The following NDE1 variants were observed in gnomAD, a reference collection of about 807,000 sequenced individuals.
NDE1 encodes nudE neurodevelopment protein 1, also known as nuclear distribution protein nudE homolog 1.
In NDE1, 28 loss-of-function variants were observed where a neutral mutation model predicts 43.4. The ratio of observed to expected loss-of-function variants is 0.65; its 90% CI spans 0.48 to 0.89. The LOEUF is 0.89. NDE1 is among the 40% of genes least tolerant of loss of function. The pLI is 0.00. For synonymous variants in NDE1, 184 were observed against 172.0 expected (o/e 1.07, Z -0.55); for missense variants, 441 against 434.1 (o/e 1.02, Z -0.14).
At position 15,677,902 on chromosome 16, in the gene NDE1, C is replaced by T. The variant is rs775006663; in HGVS notation, c.339C>T (p.Tyr113=). 3.1e-6 allele frequency: 5 copies of T among 1,613,948 alleles called. No individual in the cohort carries two copies. The highest frequency in any genetic ancestry group is 1.3e-5 in the African/African-American group (1 of 74,896). ...CCATTAAAGACCAATTGCAGAAATA[C>T]ATCAGAGAGCTGGAGCAAGCAAATG... ...TKAIKDQLQK[Y]IRELEQANDD... is the part of the protein sequence containing the mutation. The change falls in exon 4 of 9, where the codon TAC becomes TAT. Residue 113 remains tyrosine (Y), a synonymous_variant. Transcript: ENST00000396354.
At chr16:15,719,033 CAGG>C (rs1300076309) in intron 8 of NDE1, 1 of 652,458 alleles carries the variant, frequency 1.5e-6, no homozygotes, top group East Asian at 2.9e-5. Context: ...AAGGCTGAGG[CAGG>C]AGAATTGCTT....
chr16:15,708,864 G>A lies in NDE1; in HGVS notation c.947+12004G>A, dbSNP rs183887960. On this transcript the variant is annotated intron_variant, in intron 8 of 8. Coordinates refer to ENST00000396354, the MANE Select transcript of NDE1 (RefSeq NM_017668.3). ...CCTCTGAAACAGAGAGAGAATCCCC[G>A]GAGGTTACCATCAGCAAACAAGAAG... The A allele has an allele frequency of 1.1e-4, 172 of 1,607,386 alleles. No individual in the cohort carries two copies. In the East Asian group the frequency reaches 3.0e-3, roughly 28 times the overall value.
rs538924532 is a variant in NDE1 at position 15,705,545 on chromosome 16, C to T, written c.947+8685C>T. On this transcript the variant is annotated intron_variant, in intron 8 of 8. Coordinates refer to ENST00000396354, the MANE Select transcript of NDE1 (RefSeq NM_017668.3). ...AACAAATAATTATGTTGGGCTCTGG[C>T]CATCTGGCCCTGTTTGACCTGAATC... 7.0e-4 allele frequency among the ~76,000 whole-genome samples: 106 copies of T among 152,320 alleles called. 1 individual carries two copies. Among genetic ancestry groups the T allele is most frequent in the African/African-American group, 2.5e-3 (103 of 41,574 alleles).
At chr16:15,668,976 T>C (rs1191849702) in intron 3 of NDE1, among the ~76,000 whole-genome samples, 3 of 152,136 alleles carry the variant, frequency 2.0e-5, no homozygotes, top group Admixed American at 6.6e-5. Context: ...CTCGGCTCAC[T>C]GCAAGCTCCG....
intron 8 of NDE1, among the ~76,000 whole-genome samples, chr16:15,701,002 G>A (rs571236286): frequency 4.6e-5 from 7 of 152,192 alleles, no homozygotes; most frequent in South Asian, 2.1e-4. Flanking sequence ...TTGGAAGGCC[G>A]AGGCGGGTGG....
At chr16:15,655,206 CAG>C (rs1037032477) in intron 1 of NDE1, among the ~76,000 whole-genome samples, 6 of 152,090 alleles carry the variant, frequency 3.9e-5, no homozygotes, top group Admixed American at 1.3e-4. Context: ...CTAGTAGAGA[CAG>C]GGTTTCACCA....
chr16:15,719,045 T>C (rs1185639939), intron 8 of NDE1: 12 of 673,990 alleles, frequency 1.8e-5, no homozygotes, highest in Non-Finnish European at 2.9e-5. Context: ...GGAGAATTGC[T>C]TGAACCTGGG....
chr16:15,671,371 A>G (rs576468911), intron 3 of NDE1, among the ~76,000 whole-genome samples: 1 of 152,242 alleles, frequency 6.6e-6, no homozygotes, highest in South Asian at 2.1e-4. Flanking sequence ...TTCATTGGAC[A>G]TGGTAGTGCA....
chr16:15,676,632 C>T (rs533261180), intron 3 of NDE1, among the ~76,000 whole-genome samples: 1 of 152,064 alleles, frequency 6.6e-6, no homozygotes, highest in Non-Finnish European at 1.5e-5. Context: ...GTTCATGCTG[C>T]CCTCCCATTG....
chr16:15,711,191 G>C (rs2039772306), intron 8 of NDE1: 1 of 152,204 alleles, frequency 6.6e-6, no homozygotes, highest in Non-Finnish European at 1.5e-5. Context: ...GAGGGGTTTG[G>C]ACTTTTCCCT....
At position 15,669,142 on chromosome 16, in the gene NDE1, C is replaced by T. The variant is rs561705299; in HGVS notation, c.237+1703C>T. Among the ~76,000 whole-genome samples the T allele has an allele frequency of 1.8e-3, 270 of 151,144 alleles. 1 individual carries two copies. Among genetic ancestry groups the T allele is most frequent in the African/African-American group, 6.2e-3 (256 of 41,130 alleles). Reference sequence around the variant, plus strand: ...GTCTTGATCTCCTGACCTCAGGATCCGCCTGCCTCAGCCTCCCAAAGTGCT... The same window carrying T: ...GTCTTGATCTCCTGACCTCAGGATCTGCCTGCCTCAGCCTCCCAAAGTGCT... On this transcript the variant is annotated intron_variant, in intron 3 of 8. Coordinates refer to ENST00000396354, the MANE Select transcript of NDE1 (RefSeq NM_017668.3).
intron 1 of NDE1, among the ~76,000 whole-genome samples, chr16:15,650,501 C>T (rs1318337500): frequency 6.6e-6 from 1 of 152,266 alleles, no homozygotes; most frequent in South Asian, 2.1e-4. Flanking sequence ...TCCCTGGAGC[C>T]TCCCGTCCTA....
intron 8 of NDE1, chr16:15,720,402 C>T (rs1331483931): frequency 4.1e-5 from 61 of 1,501,748 alleles, no homozygotes; most frequent in Non-Finnish European, 5.5e-5. Flanking sequence ...ACCCCTTCCC[C>T]AGCACAGCCC....
intron 8 of NDE1, chr16:15,714,885 C>T (rs780582829): frequency 2.5e-6 from 4 of 1,612,382 alleles, no homozygotes; most frequent in Non-Finnish European, 3.4e-6. Context: ...GAGACGGGGT[C>T]CTCCCGGGCC....
At chr16:15,710,215 AGT>A (rs1402375755) in intron 8 of NDE1, among the ~76,000 whole-genome samples, 1 of 152,168 alleles carries the variant, frequency 6.6e-6, no homozygotes, top group Admixed American at 6.5e-5. Flanking sequence ...GGAGGTGTCC[AGT>A]GTGTGCTAAA....
intron 4 of NDE1, among the ~76,000 whole-genome samples, chr16:15,685,031 A>C (rs1162627052): frequency 6.6e-6 from 1 of 152,246 alleles, no homozygotes; most frequent in Non-Finnish European, 1.5e-5. Flanking sequence ...GTATTAAGAC[A>C]GTGTTAAATT....
At chr16:15,673,778 G>A (rs1225022585) in intron 3 of NDE1, among the ~76,000 whole-genome samples, 1 of 152,108 alleles carries the variant, frequency 6.6e-6, no homozygotes, top group Non-Finnish European at 1.5e-5. Context: ...TGCTGGGATT[G>A]CGGCATGAGG....
Position 15,710,503 on chromosome 16 carries a change from G to A in NDE1, c.947+13643G>A, listed in dbSNP as rs141702809. Among the ~76,000 whole-genome samples the A allele has an allele frequency of 9.6e-3, 1,467 of 152,134 alleles. 17 individuals carry two copies. Among genetic ancestry groups the A allele is most frequent in the South Asian group, 0.04 (191 of 4,818 alleles). On this transcript the variant is annotated intron_variant, in intron 8 of 8. Coordinates refer to ENST00000396354, the MANE Select transcript of NDE1 (RefSeq NM_017668.3). ...GCCACTGCACTCCAGCCTGGCAACAGAGCTAGACTCCGTCTAAAAATAAAT... is the reference window on the plus strand; with the variant it reads ...GCCACTGCACTCCAGCCTGGCAACAAAGCTAGACTCCGTCTAAAAATAAAT...
At chr16:15,718,287 G>T (rs1415554673) in intron 8 of NDE1, 4 of 1,606,770 alleles carry the variant, frequency 2.5e-6, no homozygotes. Context: ...AGTAGGCAGC[G>T]TGACTGTGGT....
Sources: gnomAD v4.1 joint callset for allele counts (sites outside exome capture counted in the v4.1 genomes callset) on GRCh38, gnomAD v4.1.1 for gene constraint, MANE v1.5 for transcripts, NCBI Gene and HGNC (gene_info 2026-07-23, HGNC 2026-07-21) for gene names.